Variants in SPTBN1 observed in about 807,000 individuals in gnomAD.
SPTBN1 encodes the protein spectrin beta, non-erythrocytic 1.
In SPTBN1, 32 loss-of-function variants were observed where a neutral mutation model predicts 266.4. The observed-to-expected ratio is 0.12, with a 90% CI of 0.09 to 0.16. The LOEUF is 0.16. Among genes scored for constraint, SPTBN1 ranks in the 10% least tolerant of loss-of-function variants. SPTBN1 has a pLI of 1.00. For missense variants in SPTBN1, 2,296 were observed against 3,067.1 expected (o/e 0.75, Z 5.94); for synonymous variants, 1,336 against 1,162.2 (o/e 1.15, Z -3.04).
At chr2:54,617,806 T>A (rs1450502840) in intron 6 of SPTBN1, 118 bp downstream of exon 6, 16 of 980,078 alleles carry the variant, frequency 1.6e-5, no homozygotes, top group Non-Finnish European at 2.5e-5. Flanking sequence ...GGTGGAAATT[T>A]CTGCATTCCA....
At chr2:54,666,723 G>A (rs1291451558) in intron 34 of SPTBN1, among the ~76,000 whole-genome samples, 1 of 152,216 alleles carries the variant, frequency 6.6e-6, no homozygotes, top group East Asian at 1.9e-4. Flanking sequence ...CTTGTAAAAA[G>A]TGGTTAGAAT....
Position 54,629,883 on chromosome 2 carries a change from C to T in SPTBN1, c.2670-9C>T. 1 of 1,613,958 alleles carries T rather than the reference C, an allele frequency of 6.2e-7. No homozygotes were observed. Among genetic ancestry groups the T allele is most frequent in the South Asian group, 1.1e-5 (1 of 91,070 alleles). Reference sequence around the variant, plus strand: ...AGGAGGTGACCACCCTGTCAAATTGCCATTTCAGATTTGAGAGCCTAGAAC... The same window carrying T: ...AGGAGGTGACCACCCTGTCAAATTGTCATTTCAGATTTGAGAGCCTAGAAC... On this transcript the variant is annotated splice_polypyrimidine_tract_variant and intron_variant, in intron 14 of 35. Coordinates refer to ENST00000356805, the MANE Select transcript of SPTBN1 (RefSeq NM_003128.3).
intron 2 of SPTBN1, among the ~76,000 whole-genome samples, chr2:54,543,174 C>T (rs1313618071): frequency 2.0e-5 from 3 of 152,186 alleles, no homozygotes; most frequent in Admixed American, 1.3e-4. Context: ...GGTCCCTGCT[C>T]TGTCGCCTAC....
chr2:54,492,125 T>C (rs1025703076), intron 1 of SPTBN1, among the ~76,000 whole-genome samples: 3 of 152,198 alleles, frequency 2.0e-5, no homozygotes, highest in Admixed American at 2.0e-4. Flanking sequence ...TTAAAGAATA[T>C]TCCTGTAATC....
intron 7 of SPTBN1, among the ~76,000 whole-genome samples, chr2:54,619,789 A>G (rs1677873623): frequency 6.6e-6 from 1 of 152,134 alleles, no homozygotes; most frequent in Non-Finnish European, 1.5e-5. Context: ...GCCCTGGGGT[A>G]GGGAACAGTA....
Position 54,664,206 on chromosome 2 carries a change from A to G in SPTBN1, c.6421-247A>G. The stretch of plus-strand genomic sequence containing the variant: ...TTATATTTATTGATCAGAGGAATAG[A>G]GTGCAGTAAAACTCATACTGGCATT... On this transcript the variant is annotated intron_variant, in intron 32 of 35. Transcript: ENST00000356805. The surrounding 1 kb of genome is among the most constrained non-coding windows in gnomAD (Gnocchi z 5.6). 1 of 465,966 alleles carries G rather than the reference A, an allele frequency of 2.1e-6. No homozygotes were observed. The highest frequency in any genetic ancestry group is 3.8e-6 in the Non-Finnish European group (1 of 261,048). The allele number at this position is 465,966 out of a possible 1,614,324, so 28.9% of individuals were successfully genotyped here.
chr2:54,591,855 A>G (rs148635328), intron 2 of SPTBN1, among the ~76,000 whole-genome samples: 1 of 152,322 alleles, frequency 6.6e-6, no homozygotes, highest in Admixed American at 6.5e-5. Flanking sequence ...TCATTTTTTC[A>G]GTTATAGCAA....
At chr2:54,592,684 C>T (rs1675762304) in intron 2 of SPTBN1, among the ~76,000 whole-genome samples, 1 of 152,236 alleles carries the variant, frequency 6.6e-6, no homozygotes, top group South Asian at 2.1e-4. Context: ...CCAACGCGCC[C>T]AGCTACCTCA....
chr2:54,581,293 A>G (rs1674880593), intron 2 of SPTBN1, among the ~76,000 whole-genome samples: 1 of 152,208 alleles, frequency 6.6e-6, no homozygotes, highest in Middle Eastern at 3.2e-3. Context: ...AGTACTTCTC[A>G]TTAGTAAAAA....
At chr2:54,470,802 T>C (rs1693879755) in intron 1 of SPTBN1, among the ~76,000 whole-genome samples, 1 of 152,062 alleles carries the variant, frequency 6.6e-6, no homozygotes, top group African/African-American at 2.4e-5. Context: ...AGAAAGAACC[T>C]GTCTCAAACC....
At chr2:54,588,508 T>C (rs1675447902) in intron 2 of SPTBN1, among the ~76,000 whole-genome samples, 1 of 152,218 alleles carries the variant, frequency 6.6e-6, no homozygotes, top group African/African-American at 2.4e-5. Flanking sequence ...ATGTGGGCTC[T>C]AATTCTGGGT....
chr2:54,457,091 G>C (rs1319344081), intron 1 of SPTBN1, among the ~76,000 whole-genome samples: 3 of 151,418 alleles, frequency 2.0e-5, no homozygotes, highest in Admixed American at 6.6e-5. Context: ...AGCTGAGCCG[G>C]AGGCGGCGGC....
At chr2:54,627,002 G>T (rs1368857269) in intron 12 of SPTBN1, among the ~76,000 whole-genome samples, 1 of 149,850 alleles carries the variant, frequency 6.7e-6, no homozygotes, top group Non-Finnish European at 1.5e-5. Context: ...CTTTAGCCTT[G>T]TAGACAGAAG....
intron 1 of SPTBN1, among the ~76,000 whole-genome samples, chr2:54,465,394 C>T (rs770525888): frequency 2.0e-5 from 3 of 151,976 alleles, no homozygotes; most frequent in Non-Finnish European, 4.4e-5. Flanking sequence ...ACCATTAGAC[C>T]ATCAGGTTTC....
At chr2:54,667,506 C>G (rs1681443113) in intron 34 of SPTBN1, 98 bp from the exon 35 acceptor site, 1 of 1,176,012 alleles carries the variant, frequency 8.5e-7, no homozygotes, top group African/African-American at 1.5e-5. Flanking sequence ...TGTTGTGACT[C>G]CTGTGGTCTA....
intron 3 of SPTBN1, 139 bp downstream of exon 3, chr2:54,599,382 C>G: frequency 1.0e-6 from 1 of 997,380 alleles, no homozygotes; most frequent in Non-Finnish European, 1.5e-6. Context: ...GAGTTGAGCG[C>G]TTCAGGGAGA....
chr2:54,477,053 T>G (rs1215959438), intron 1 of SPTBN1, among the ~76,000 whole-genome samples: 1 of 152,134 alleles, frequency 6.6e-6, no homozygotes, highest in Non-Finnish European at 1.5e-5. Flanking sequence ...TTCTTGGTTC[T>G]CTTTGACTTT....
intron 1 of SPTBN1, among the ~76,000 whole-genome samples, chr2:54,467,825 G>A (rs1271746699): frequency 6.6e-6 from 1 of 151,502 alleles, no homozygotes; most frequent in Non-Finnish European, 1.5e-5. Context: ...GGCTTATGAA[G>A]ACTATATACC....
intron 1 of SPTBN1, among the ~76,000 whole-genome samples, chr2:54,475,307 A>G (rs577430827): frequency 6.6e-6 from 1 of 152,362 alleles, no homozygotes; most frequent in Admixed American, 6.5e-5. Context: ...CCGTTTGGCA[A>G]CAGTTTGTCT....
Sources: gnomAD v4.1 joint callset for allele counts (sites outside exome capture counted in the v4.1 genomes callset) on GRCh38, gnomAD v4.1.1 for gene constraint, Gnocchi (gnomAD v3.1) non-coding constraint, MANE v1.5 for transcripts, NCBI Gene and HGNC (gene_info 2026-07-23, HGNC 2026-07-21) for gene names.